Variants in CARNS1 observed in about 807,000 individuals in gnomAD.
The protein encoded by CARNS1 is ATP-grasp domain containing 1.
A neutral mutation model predicts 74.0 loss-of-function variants in CARNS1; 61 were observed. The ratio of observed to expected loss-of-function variants is 0.82; its 90% confidence interval spans 0.67 to 1.02. CARNS1 has a LOEUF of 1.02. CARNS1 is among the 50% of genes least tolerant of loss of function. The probability of loss-of-function intolerance (pLI) is 0.00; values close to 1 mark genes in which losing one functional copy is unlikely to be tolerated. For synonymous variants in CARNS1, 568 were observed against 605.5 expected (o/e 0.94, Z 0.91); for missense variants, 1,278 against 1,308.4 (o/e 0.98, Z 0.36).
In CARNS1 at chr11:67,424,486, C is replaced by A; in HGVS notation, c.2738C>A (p.Ala913Asp). 1 of 1,587,434 alleles carries A rather than the reference C, an allele frequency of 6.3e-7. No homozygotes were observed. ...GEYEEPYCSV[A>D]CAGPSPTEAR... Reference sequence around the variant, plus strand: ...TATGAGGAGCCCTACTGCAGTGTGGCCTGTGCCGGACCCAGCCCCACCGAG... The same window carrying A: ...TATGAGGAGCCCTACTGCAGTGTGGACTGTGCCGGACCCAGCCCCACCGAG... The change falls in exon 10 of 10, where the codon GCC (alanine) becomes GAC (aspartate). Residue 913 changes from alanine to aspartate, a missense_variant. By Grantham distance (126) the Ala-to-Asp change is moderately radical (BLOSUM62 -2). Transcript: ENST00000687366.
In CARNS1 at chr11:67,421,155, T is replaced by C. The variant is rs757456171; in HGVS notation, c.1562T>C (p.Val521Ala). Residue 521 changes from valine to alanine, a missense_variant, in exon 9 of 10, where the codon GTG becomes GCG. By Grantham distance (64) the Val-to-Ala change is moderately conservative. Transcript: ENST00000687366. The part of the protein sequence containing the change: ...RCLMEGKQLL[V>A]VGAGGVSKKF... ...CTCATGGAGGGAAAACAGCTGCTGG[T>C]GGTCGGCGCTGGCGGCGTCAGCAAG... is the stretch of plus-strand genomic sequence containing the variant. 10 of 1,492,442 alleles carry C rather than the reference T, an allele frequency of 6.7e-6. No individual in the cohort carries two copies. The highest frequency in any genetic ancestry group is 7.1e-6 in the Non-Finnish European group (8 of 1,127,414). 92.4% of individuals were successfully genotyped at this position (1,492,442 alleles called of 1,614,324 possible). A position where few individuals can be genotyped will look rare whatever the true frequency, so the allele number is the denominator to read the frequency against.
Position 67,423,855 on chromosome 11 carries a change from C to G in CARNS1, c.2107C>G (p.Arg703Gly). 6.2e-7 allele frequency: 1 copy of G among 1,612,930 alleles called. No individual in the cohort carries two copies. The highest frequency in any genetic ancestry group is 1.1e-5 in the South Asian group (1 of 91,078). The change falls in exon 10 of 10, where the codon CGA becomes GGA. Residue 703 changes from arginine to glycine, a missense_variant. Arg to Gly is a moderately radical substitution (Grantham distance 125). Coordinates refer to ENST00000687366, the MANE Select transcript of CARNS1 (RefSeq NM_001166222.2). The surrounding 1 kb of genome is among the most constrained non-coding windows in gnomAD (Gnocchi z 5.1). ...CCATGAGCACTTTTCCCGGATTACC[C>G]GAGACTTGCAGGGCGAGGCCGACCA... The part of the protein sequence containing the change: ...QCHEHFSRIT[R>G]DLQGEADHPG...
In CARNS1 at chr11:67,420,928, G is replaced by A. The variant is rs942607497; in HGVS notation, c.1346-11G>A. 2.9e-6 allele frequency: 4 copies of A among 1,377,488 alleles called. No homozygotes were observed. Among genetic ancestry groups the A allele is most frequent in the Admixed American group, 3.3e-5 (1 of 30,442 alleles). The allele number at this position is 1,377,488 out of a possible 1,614,324, so 85.3% of individuals were successfully genotyped here. A position where few individuals can be genotyped will look rare whatever the true frequency, so the allele number is the denominator to read the frequency against. On this transcript the variant is annotated splice_polypyrimidine_tract_variant and intron_variant, in intron 8 of 9. Coordinates refer to ENST00000687366, the MANE Select transcript of CARNS1 (RefSeq NM_001166222.2). The stretch of plus-strand genomic sequence containing the variant: ...TGCCGTAGCTGAGCTCGCGCCTCCC[G>A]CCCGGCGCAGGCGTGGATTTCGCGC...
At chr11:67,416,725 C>G (rs986861657) in intron 2 of CARNS1, 2 of 986,338 alleles carry the variant, frequency 2.0e-6, no homozygotes, top group Non-Finnish European at 2.4e-6. Flanking sequence ...TCCATTCACA[C>G]GAAGCCTCCC....
At chr11:67,421,323 A>G (rs1863699122) in intron 9 of CARNS1, 104 bp downstream of exon 9, 1 of 1,240,108 alleles carries the variant, frequency 8.1e-7, no homozygotes, top group East Asian at 3.2e-5. Flanking sequence ...TTGGGGCGGG[A>G]CCAGCCGCGC....
Position 67,418,891 on chromosome 11 carries a change from TC to T in CARNS1, c.506del (p.Pro169ArgfsTer28). On this transcript the variant is annotated frameshift_variant, in exon 5 of 10. Coordinates refer to ENST00000687366, the MANE Select transcript of CARNS1 (RefSeq NM_001166222.2). LOFTEE classifies it high-confidence loss of function. The part of the protein sequence containing the change: ...PGGLTFLDDF[V>X]PPRRATYFLA... Reference sequence around the variant, plus strand: ...GGCCTGACATTCCTGGATGACTTTGTCCCCCCGCGCCGTGCCACCTACTTTT... The same window carrying T: ...GGCCTGACATTCCTGGATGACTTTGTCCCCCGCGCCGTGCCACCTACTTTT... 6.3e-7 allele frequency: 1 copy of T among 1,597,798 alleles called. No individual in the cohort carries two copies. The highest frequency in any genetic ancestry group is 8.5e-7 in the Non-Finnish European group (1 of 1,172,254).
At chr11:67,416,076 G>A (rs1484190053) in intron 1 of CARNS1, 100 bp from the exon 2 acceptor site, 3 of 752,664 alleles carry the variant, frequency 4.0e-6, no homozygotes, top group East Asian at 5.4e-5. Context: ...GACAGGTGTC[G>A]GCCACCTCTC....
chr11:67,419,340 C>T, intron 5 of CARNS1, 97 bp downstream of exon 5: 1 of 1,472,274 alleles, frequency 6.8e-7, no homozygotes, highest in Non-Finnish European at 9.0e-7. Flanking sequence ...GTCCCTACCT[C>T]TTAGCCCTGC....
chr11:67,416,704 A>G (rs555407453), intron 2 of CARNS1: 1 of 986,872 alleles, frequency 1.0e-6, no homozygotes, highest in Non-Finnish European at 1.2e-6. Flanking sequence ...GGGACTGCAA[A>G]GAACAAGAAT....
At position 67,424,248 on chromosome 11, in the gene CARNS1, C is replaced by A; in HGVS notation, c.2500C>A (p.Leu834Met). 1.2e-6 allele frequency: 2 copies of A among 1,613,524 alleles called. No homozygotes were observed. Among genetic ancestry groups the A allele is most frequent in the Non-Finnish European group, 8.5e-7 (1 of 1,179,860 alleles). The change falls in exon 10 of 10, where the codon CTG becomes ATG. Residue 834 changes from leucine to methionine, a missense_variant. Leu to Met is a conservative substitution (Grantham distance 15, BLOSUM62 2). Around this residue, in one of 3 missense-constraint regions of CARNS1, gnomAD observed 1,164 missense variants for 1,156.5 expected, o/e 1.01. Transcript: ENST00000687366. ...DWILELYGVD[L>M]LLAAVMVACG... Reference sequence around the variant, plus strand: ...GATCCTGGAGCTCTATGGTGTTGACCTGCTGCTGGCTGCTGTTATGGTGGC... The same window carrying A: ...GATCCTGGAGCTCTATGGTGTTGACATGCTGCTGGCTGCTGTTATGGTGGC...
intron 9 of CARNS1, among the ~76,000 whole-genome samples, chr11:67,422,118 C>A (rs1448610672): frequency 1.3e-5 from 2 of 151,190 alleles, no homozygotes; most frequent in African/African-American, 4.9e-5. Context: ...GTGATCCACC[C>A]GCCTCAGCCT....
chr11:67,417,958 A>G (rs1352338035), intron 3 of CARNS1, among the ~76,000 whole-genome samples: 3 of 152,188 alleles, frequency 2.0e-5, no homozygotes, highest in Non-Finnish European at 4.4e-5. Flanking sequence ...CGAAGCTTCT[A>G]GAGAAAGGTC....
In CARNS1 at chr11:67,418,834, T is replaced by C. The variant is rs1296259304; in HGVS notation, c.443T>C (p.Leu148Pro). The C allele has an allele frequency of 6.2e-7, 1 of 1,601,372 alleles. No individual in the cohort carries two copies. Among genetic ancestry groups the C allele is most frequent in the Non-Finnish European group, 8.5e-7 (1 of 1,174,414 alleles). ...GGGCAGCCGGGTGAGGCAGCCCTGC[T>C]AGTCTCCAAGGCTGTGAGCTTCCAC... ...APGQPGEAAL[L>P]VSKAVSFHPG... is the part of the protein sequence containing the mutation. The change falls in exon 5 of 10, where the codon CTA becomes CCA. Residue 148 changes from leucine (L) to proline (P), a missense_variant. Physicochemically the swap from Leu to Pro is moderately conservative, Grantham distance 98. This residue lies in a region of CARNS1 where 1,164 missense variants were observed against 1,156.5 expected (regional missense o/e 1.01). Transcript: ENST00000687366.
Position 67,419,632 on chromosome 11 carries a change from T to C in CARNS1, c.998T>C (p.Val333Ala). 1 of 1,599,286 alleles carries C rather than the reference T, an allele frequency of 6.3e-7. No individual in the cohort carries two copies. The highest frequency in any genetic ancestry group is 8.5e-7 in the Non-Finnish European group (1 of 1,174,150). ...GAGGAGAGTGTCCTGGTGGAGGCTG[T>C]GTACCCACCTGCCCAGCTGCCCTGC... ...EEEESVLVEA[V>A]YPPAQLPCSD... The change falls in exon 6 of 10, where the codon GTG becomes GCG. Residue 333 changes from valine (V) to alanine (A), a missense_variant. Val to Ala is a moderately conservative substitution (Grantham distance 64). This residue lies in a region of CARNS1 where 1,164 missense variants were observed against 1,156.5 expected (regional missense o/e 1.01). Coordinates refer to ENST00000687366, the MANE Select transcript of CARNS1 (RefSeq NM_001166222.2).
rs981449394 is a variant in CARNS1, at chr11:67,420,811, G to GCGGGCGC, written c.1324_1330dup (p.His444ProfsTer124). The GCGGGCGC allele has an allele frequency of 1.6e-5, 20 of 1,223,746 alleles. No homozygotes were observed. In the African/African-American group the frequency reaches 2.8e-4, roughly 17 times the overall value. 75.8% of individuals were successfully genotyped at this position (1,223,746 alleles called of 1,614,324 possible). On this transcript the variant is annotated frameshift_variant, in exon 8 of 10. Coordinates refer to ENST00000687366, the MANE Select transcript of CARNS1 (RefSeq NM_001166222.2). LOFTEE classifies it high-confidence loss of function. ...GCCGGCCTGAGTGCCGAGCAGCGCG[G>GCGGGCGC]CGGGCGCCGGGCGCACACGGACTTC...
At chr11:67,418,056 CT>C (rs758862258) in intron 3 of CARNS1, among the ~76,000 whole-genome samples, 2 of 152,174 alleles carry the variant, frequency 1.3e-5, no homozygotes, top group Non-Finnish European at 2.9e-5. Context: ...ATATATCAGA[CT>C]TTGTGTGGAC....
Position 67,424,253 on chromosome 11 carries a change from G to T in CARNS1, c.2505G>T (p.Leu835=), listed in dbSNP as rs1863778294. Reference sequence around the variant, plus strand: ...TGGAGCTCTATGGTGTTGACCTGCTGCTGGCTGCTGTTATGGTGGCCTGTG... The same window carrying T: ...TGGAGCTCTATGGTGTTGACCTGCTTCTGGCTGCTGTTATGGTGGCCTGTG... The part of the protein sequence containing the change: ...WILELYGVDL[L]LAAVMVACGL... The change falls in exon 10 of 10, where the codon CTG becomes CTT. Residue 835 remains leucine (L), a synonymous_variant. Coordinates refer to ENST00000687366, the MANE Select transcript of CARNS1 (RefSeq NM_001166222.2). 1 of 1,613,460 alleles carries T rather than the reference G, an allele frequency of 6.2e-7. No homozygotes were observed. The highest frequency in any genetic ancestry group is 8.5e-7 in the Non-Finnish European group (1 of 1,179,882).
At chr11:67,419,437 G>A in intron 5 of CARNS1, 50 bp from the exon 6 acceptor site, 1 of 1,590,074 alleles carries the variant, frequency 6.3e-7, no homozygotes, top group South Asian at 1.1e-5. Flanking sequence ...GCCCCACCCT[G>A]CAGTACCTGG....
intron 9 of CARNS1, among the ~76,000 whole-genome samples, chr11:67,422,167 CG>C (rs1047871712): frequency 7.4e-5 from 10 of 135,018 alleles, no homozygotes; most frequent in African/African-American, 3.0e-4. Flanking sequence ...CCACCGCGCC[CG>C]GCCTTTTTTT....
Sources: gnomAD v4.1 joint callset for allele counts (sites outside exome capture counted in the v4.1 genomes callset) on GRCh38, gnomAD v4.1.1 for gene constraint, gnomAD v4.1.1 regional missense constraint, Gnocchi (gnomAD v3.1) non-coding constraint, MANE v1.5 for transcripts, NCBI Gene and HGNC (gene_info 2026-07-23, HGNC 2026-07-21) for gene names.